Variants in NFKBIZ observed in about 807,000 individuals in gnomAD.
NFKBIZ encodes NF-kappa-B inhibitor zeta.
Under a neutral mutation model 76.8 loss-of-function variants are expected in NFKBIZ, and 19 were observed. That is an observed-to-expected ratio of 0.25 (90% CI 0.17 to 0.36). NFKBIZ has a LOEUF of 0.36. Among genes scored for constraint, NFKBIZ ranks in the 10% least tolerant of loss-of-function variants. The pLI is 1.00. For missense variants in NFKBIZ, 829 were observed against 910.9 expected, an observed-to-expected ratio of 0.91 and a Z score of 1.16; for synonymous variants, 368 against 354.8, an observed-to-expected ratio of 1.04 and a Z score of -0.42.
chr3:101,842,592 C>CTTTTTTT (rs573749526), intron 2 of NFKBIZ, among the ~76,000 whole-genome samples: 2 of 130,350 alleles, frequency 1.5e-5, no homozygotes, highest in Non-Finnish European at 3.3e-5. Flanking sequence ...CTTTTCTTTT[C>CTTTTTTT]TTTTTTTTTT....
At chr3:101,847,703 A>G (rs1942872172), upstream of NFKBIZ, among the ~76,000 whole-genome samples, 1 of 152,254 alleles carries the variant, frequency 6.6e-6, no homozygotes, top group Non-Finnish European at 1.5e-5. Context: ...CAGTAAAAAT[A>G]TGGTATTACA....
chr3:101,829,520 C>G (rs1187765051), intron 1 of NFKBIZ: 2 of 152,178 alleles, frequency 1.3e-5, no homozygotes, highest in Non-Finnish European at 2.9e-5. Context: ...TCTAATTGTT[C>G]TGAGACCAAT....
chr3:101,855,958 A>G (rs941571071), intron 9 of NFKBIZ, 56 bp downstream of exon 9: 4 of 1,463,282 alleles, frequency 2.7e-6, no homozygotes, highest in Non-Finnish European at 3.7e-6. Context: ...TTATATAGCA[A>G]AAGACCTTGC....
intron 6 of NFKBIZ, 132 bp downstream of exon 6, chr3:101,854,815 G>T (rs1041675062): frequency 1.3e-6 from 1 of 762,526 alleles, no homozygotes; most frequent in South Asian, 1.9e-5. Flanking sequence ...TTGAGATGTT[G>T]ACTTTTTGCT....
At chr3:101,840,557 T>C (rs1942774455) in intron 2 of NFKBIZ, among the ~76,000 whole-genome samples, 1 of 152,246 alleles carries the variant, frequency 6.6e-6, no homozygotes, top group Admixed American at 6.5e-5. Flanking sequence ...ACTTTTCATT[T>C]CTTTAGAAAT....
chr3:101,849,749 CCCG>C lies in NFKBIZ; in HGVS notation c.130_132del (p.Ala44del), dbSNP rs1484645789. ...GAGCTACTTCTACGGCGCGTCGCCG[CCCG>C]CCGCCGCCCCGGGCGCCTGCGACGC... On this transcript the variant is annotated inframe_deletion, in exon 1 of 12. Coordinates refer to ENST00000326172, the MANE Select transcript of NFKBIZ (RefSeq NM_031419.4). The C allele has an allele frequency of 3.4e-6, 5 of 1,450,004 alleles. No homozygotes were observed. Among genetic ancestry groups the C allele is most frequent in the Admixed American group, 5.2e-5 (2 of 38,646 alleles). The allele number at this position is 1,450,004 out of a possible 1,614,324, so 89.8% of individuals were successfully genotyped here.
At chr3:101,829,550 C>T (rs1040359449) in intron 1 of NFKBIZ, 12 of 152,158 alleles carry the variant, frequency 7.9e-5, no homozygotes, top group African/African-American at 2.7e-4. Context: ...CTCCTGAAAA[C>T]ACCATTTTCT....
intron 1 of NFKBIZ, among the ~76,000 whole-genome samples, chr3:101,828,529 G>C (rs766344635): frequency 2.8e-4 from 42 of 152,292 alleles, no homozygotes; most frequent in Non-Finnish European, 5.0e-4. Flanking sequence ...ATGATATCCC[G>C]AGGCAGAAGT....
At chr3:101,836,623 A>G (rs639258) in intron 2 of NFKBIZ, among the ~76,000 whole-genome samples, 43,831 of 152,152 alleles carry the variant, frequency 0.29, 6,529 homozygotes, top group East Asian at 0.45. Flanking sequence ...TTCTATAATC[A>G]ATATAATTTA....
At chr3:101,845,005 C>T (rs997477854), upstream of NFKBIZ, among the ~76,000 whole-genome samples, 1 of 152,100 alleles carries the variant, frequency 6.6e-6, no homozygotes, top group African/African-American at 2.4e-5. Flanking sequence ...CGGTGGCTCA[C>T]GCCTGTAATC....
chr3:101,858,386 A>G (rs968411075), intron 11 of NFKBIZ: 2 of 984,072 alleles, frequency 2.0e-6, no homozygotes, highest in Non-Finnish European at 2.4e-6. Flanking sequence ...AACTGAGAAA[A>G]TTGATATTCA....
At position 101,849,870 on chromosome 3, in the gene NFKBIZ, C is replaced by G; in HGVS notation, c.242C>G (p.Ala81Gly). The change falls in exon 1 of 12, where the codon GCC becomes GGC. Residue 81 changes from alanine (A) to glycine (G), a missense_variant. Around this residue, in one of 4 missense-constraint regions of NFKBIZ, gnomAD observed 181 missense variants for 175.3 expected, o/e 1.03. Coordinates refer to ENST00000326172, the MANE Select transcript of NFKBIZ (RefSeq NM_031419.4). ...SSASSVSSCGAVESRSRGGAR... is the reference protein window; with the variant it reads ...SSASSVSSCGGVESRSRGGAR... ...GCCTCGTCGGTGTCCTCCTGCGGCG[C>G]CGTGGAGTCCCGGTCGAGAGGCGGC... 1 of 1,456,304 alleles carries G rather than the reference C, an allele frequency of 6.9e-7. No homozygotes were observed. The highest frequency in any genetic ancestry group is 9.0e-7 in the Non-Finnish European group (1 of 1,112,348). The allele number at this position is 1,456,304 out of a possible 1,614,324, so 90.2% of individuals were successfully genotyped here.
chr3:101,853,384 G>A lies in NFKBIZ; in HGVS notation c.858G>A (p.Leu286=), dbSNP rs35313454. Residue 286 remains leucine, a synonymous_variant, in exon 5 of 12, where the codon CTG becomes CTA. Coordinates refer to ENST00000326172, the MANE Select transcript of NFKBIZ (RefSeq NM_031419.4). ...AACAAATGATAGACCAGGCTTCCCT[G>A]TACCAGTATTCTCCACAGAACCAGC... ...GSQQMIDQAS[L]YQYSPQNQHV... The A allele has an allele frequency of 1.1e-5, 18 of 1,614,036 alleles. No individual in the cohort carries two copies. In the East Asian group the frequency reaches 2.9e-4, roughly 26 times the overall value.
At position 101,853,323 on chromosome 3, in the gene NFKBIZ, C is replaced by T. The variant is rs138359479; in HGVS notation, c.797C>T (p.Pro266Leu). ...DFHGGQVFSPPQKCQPFQVRG... is the reference protein window; with the variant it reads ...DFHGGQVFSPLQKCQPFQVRG... ...CATGGAGGGCAGGTCTTTTCTCCACCTCAGAAATGCCAACCATTCCAAGTC... is the reference window on the plus strand; with the variant it reads ...CATGGAGGGCAGGTCTTTTCTCCACTTCAGAAATGCCAACCATTCCAAGTC... The change falls in exon 5 of 12, where the codon CCT becomes CTT. Residue 266 changes from proline (P) to leucine (L), a missense_variant. Coordinates refer to ENST00000326172, the MANE Select transcript of NFKBIZ (RefSeq NM_031419.4). The T allele has an allele frequency of 6.2e-6, 10 of 1,614,046 alleles. No homozygotes were observed. The African/African-American group carries it at 1.3e-4, about 22-fold the overall frequency.
intron 2 of NFKBIZ, among the ~76,000 whole-genome samples, chr3:101,830,454 T>C (rs1043054557): frequency 1.3e-5 from 2 of 152,196 alleles, no homozygotes; most frequent in African/African-American, 4.8e-5. Flanking sequence ...TCATAGTTAT[T>C]TTTCAGCCCT....
chr3:101,843,235 G>C (rs1387031059), intron 2 of NFKBIZ, among the ~76,000 whole-genome samples: 1 of 151,932 alleles, frequency 6.6e-6, no homozygotes, highest in Non-Finnish European at 1.5e-5. Flanking sequence ...AGGAGTTCCA[G>C]ACAAGCCTAG....
chr3:101,845,770 C>T (rs1468989559), upstream of NFKBIZ, among the ~76,000 whole-genome samples: 1 of 152,160 alleles, frequency 6.6e-6, no homozygotes. Context: ...ATTTTTATTT[C>T]TTCTTTACAG....
At chr3:101,828,134 CAATT>C (rs1194791758) in exon 1 of NFKBIZ, 1 of 152,188 alleles carries the variant, frequency 6.6e-6, no homozygotes, top group Non-Finnish European at 1.5e-5. Context: ...CAGCTGGAAA[CAATT>C]GATTTGCTCT....
intron 1 of NFKBIZ, 199 bp downstream of exon 1, chr3:101,850,116 C>G (rs2107412215): frequency 2.1e-6 from 1 of 466,188 alleles, no homozygotes; most frequent in African/African-American, 2.0e-5. Flanking sequence ...GCCCGCGGAA[C>G]CGGCTCCCTC....
Sources: gnomAD v4.1 joint callset for allele counts (sites outside exome capture counted in the v4.1 genomes callset) on GRCh38, gnomAD v4.1.1 for gene constraint, gnomAD v4.1.1 regional missense constraint, MANE v1.5 for transcripts, NCBI Gene and HGNC (gene_info 2026-07-23, HGNC 2026-07-21) for gene names.